The following PDE8A variants were observed in gnomAD, a reference collection of about 807,000 sequenced individuals.
PDE8A encodes the protein high affinity cAMP-specific and IBMX-insensitive 3',5'-cyclic phosphodiesterase 8A.
PDE8A carries 59 observed loss-of-function variants against 105.0 expected under a neutral mutation model. That is an observed-to-expected ratio of 0.56 (90% CI 0.46 to 0.70). The LOEUF (loss-of-function observed/expected upper bound fraction) is 0.70. PDE8A is among the 30% of genes least tolerant of loss of function. The pLI is 0.00. For missense variants in PDE8A, 1,014 were observed against 1,045.9 expected (o/e 0.97, Z 0.42); for synonymous variants, 355 against 371.9 (o/e 0.95, Z 0.52).
intron 1 of PDE8A, among the ~76,000 whole-genome samples, chr15:85,012,075 T>G (rs1305570381): frequency 6.6e-6 from 1 of 152,068 alleles, no homozygotes; most frequent in Admixed American, 6.5e-5. Context: ...TGTGGAGAAA[T>G]AGGAACACTT....
At position 85,136,607 on chromosome 15, in the gene PDE8A, A is replaced by G. The variant is rs771968154; in HGVS notation, c.2327A>G (p.Lys776Arg). Reference sequence around the variant, plus strand: ...GACAGAAATACCTGCAGCATCCCCAAATCCCAAATCTCTTTCATTGATTAC... The same window carrying G: ...GACAGAAATACCTGCAGCATCCCCAGATCCCAAATCTCTTTCATTGATTAC... ...VFDRNTCSIPKSQISFIDYFI... is the reference protein window; with the variant it reads ...VFDRNTCSIPRSQISFIDYFI... Residue 776 changes from lysine (K) to arginine (R), a missense_variant, in exon 21 of 22, where the codon AAA (lysine) becomes AGA (arginine). Transcript: ENST00000394553. The G allele has an allele frequency of 6.2e-7, 1 of 1,613,910 alleles. No homozygotes were observed. Among genetic ancestry groups the G allele is most frequent in the Admixed American group, 1.7e-5 (1 of 60,032 alleles).
intron 20 of PDE8A, among the ~76,000 whole-genome samples, chr15:85,136,113 T>A (rs2082405253): frequency 6.6e-6 from 1 of 152,198 alleles, no homozygotes; most frequent in Non-Finnish European, 1.5e-5. Flanking sequence ...AGCAGTTACG[T>A]CTCACTCCCC....
chr15:85,130,251 C>G (rs2082312272), intron 20 of PDE8A, among the ~76,000 whole-genome samples: 1 of 152,166 alleles, frequency 6.6e-6, no homozygotes, highest in South Asian at 2.1e-4. Context: ...CCCCCATGAC[C>G]CAAACACATC....
chr15:84,988,753 G>A (rs2079842678), intron 1 of PDE8A, among the ~76,000 whole-genome samples: 3 of 152,154 alleles, frequency 2.0e-5, no homozygotes, highest in Admixed American at 2.0e-4. Context: ...TCTGCTCTTG[G>A]GACCTGCTCC....
intron 1 of PDE8A, among the ~76,000 whole-genome samples, chr15:85,059,241 C>T (rs1300178588): frequency 6.6e-6 from 1 of 152,154 alleles, no homozygotes; most frequent in Non-Finnish European, 1.5e-5. Context: ...CTTTGTGTTA[C>T]ATCTATCTTT....
At position 85,083,644 on chromosome 15, in the gene PDE8A, G is replaced by T; in HGVS notation, c.635G>T (p.Arg212Met). ...FGEVRSQLKLRACNSVFTALE... is the reference protein window; with the variant it reads ...FGEVRSQLKLMACNSVFTALE... ...GAGGTGCGATCACAACTGAAACTCAGGTAATTCTACCACTTCTGGAAAGCC... is the reference window on the plus strand; with the variant it reads ...GAGGTGCGATCACAACTGAAACTCATGTAATTCTACCACTTCTGGAAAGCC... Residue 212 changes from arginine to methionine, a missense_variant and splice_region_variant, in exon 6 of 22, where the codon AGG (arginine) becomes ATG (methionine). Physicochemically the swap from Arg to Met is moderately conservative, Grantham distance 91. Transcript: ENST00000394553. The T allele has an allele frequency of 6.2e-7, 1 of 1,603,376 alleles. No individual in the cohort carries two copies. Among genetic ancestry groups the T allele is most frequent in the Non-Finnish European group, 8.5e-7 (1 of 1,170,398 alleles).
intron 18 of PDE8A, among the ~76,000 whole-genome samples, chr15:85,122,220 T>C (rs2082193725): frequency 6.6e-6 from 1 of 152,216 alleles, no homozygotes; most frequent in South Asian, 2.1e-4. Flanking sequence ...ATTTGTGTAA[T>C]GTCTGATTAG....
At chr15:84,982,429 G>GAAA in intron 1 of PDE8A, 81 bp downstream of exon 1, 1 of 916,236 alleles carries the variant, frequency 1.1e-6, no homozygotes, top group Non-Finnish European at 1.5e-6. Flanking sequence ...GGCCGGGCGG[G>GAAA]GTCCCCCCCA....
At chr15:85,090,778 G>A (rs1457705382) in intron 7 of PDE8A, 1 of 504,616 alleles carries the variant, frequency 2.0e-6, no homozygotes, top group Non-Finnish European at 3.9e-6. Context: ...CCCTGTTGAA[G>A]TGGGAGTGGG....
At chr15:85,117,524 A>G (rs144635452) in intron 16 of PDE8A, 117 bp from the exon 17 acceptor site, 62 of 826,504 alleles carry the variant, frequency 7.5e-5, no homozygotes, top group East Asian at 5.4e-4. Context: ...AGCCCAAGCA[A>G]TCTCCACTTT....
At chr15:85,072,850 C>T (rs1226472609) in intron 3 of PDE8A, among the ~76,000 whole-genome samples, 2 of 152,178 alleles carry the variant, frequency 1.3e-5, no homozygotes, top group African/African-American at 4.8e-5. Context: ...TGGTGGCTCA[C>T]ACCTCTAATC....
chr15:85,078,313 C>T (rs2081409647), intron 5 of PDE8A, among the ~76,000 whole-genome samples: 1 of 151,454 alleles, frequency 6.6e-6, no homozygotes, highest in African/African-American at 2.4e-5. Flanking sequence ...CTTGGGAGGC[C>T]GAGGTGGGCA....
chr15:85,041,138 C>T (rs1403277064), intron 1 of PDE8A, among the ~76,000 whole-genome samples: 1 of 152,128 alleles, frequency 6.6e-6, no homozygotes, highest in Non-Finnish European at 1.5e-5. Flanking sequence ...TAATTGGTTC[C>T]TGAACATCAG....
At chr15:85,101,874 G>T (rs1040112384) in intron 11 of PDE8A, among the ~76,000 whole-genome samples, 1 of 152,194 alleles carries the variant, frequency 6.6e-6, no homozygotes, top group African/African-American at 2.4e-5. Flanking sequence ...GATGAATGTG[G>T]AGAGCTCTAC....
intron 3 of PDE8A, among the ~76,000 whole-genome samples, chr15:85,074,288 G>A (rs2081352401): frequency 1.3e-5 from 2 of 152,228 alleles, no homozygotes; most frequent in Admixed American, 1.3e-4. Context: ...TGTGTATTAT[G>A]TGTGACTGCC....
intron 1 of PDE8A, among the ~76,000 whole-genome samples, chr15:85,038,384 A>G (rs67853521): frequency 0.088 from 13,457 of 152,204 alleles, 1,653 homozygotes; most frequent in African/African-American, 0.28. Flanking sequence ...TTGATGACCC[A>G]AAGTTCTTAA....
At chr15:85,075,960 GTAA>G in intron 4 of PDE8A, 42 bp downstream of exon 4, 1 of 1,111,622 alleles carries the variant, frequency 9.0e-7, no homozygotes, top group Non-Finnish European at 1.4e-6. Context: ...AGGTACCAGT[GTAA>G]TACTTGCTCT....
At chr15:85,014,970 T>C (rs545877261) in intron 1 of PDE8A, among the ~76,000 whole-genome samples, 25 of 152,306 alleles carry the variant, frequency 1.6e-4, no homozygotes, top group African/African-American at 5.8e-4. Flanking sequence ...ACCACTAATC[T>C]ATTTTCTGTC....
At chr15:84,981,128 CG>C (rs2079700095), upstream of PDE8A, among the ~76,000 whole-genome samples, 1 of 152,234 alleles carries the variant, frequency 6.6e-6, no homozygotes, top group African/African-American at 2.4e-5. Flanking sequence ...GTTACGGAGC[CG>C]GAATTCGAAT....
Sources: gnomAD v4.1 joint callset for allele counts (sites outside exome capture counted in the v4.1 genomes callset) on GRCh38, gnomAD v4.1.1 for gene constraint, MANE v1.5 for transcripts, NCBI Gene and HGNC (gene_info 2026-07-23, HGNC 2026-07-21) for gene names.